The following IQGAP2 variants were observed in gnomAD, a reference collection of about 807,000 sequenced individuals.
The protein encoded by IQGAP2 is IQ motif containing GTPase activating protein 2.
IQGAP2 carries 173 observed loss-of-function variants against 201.3 expected under a neutral mutation model. The ratio of observed to expected loss-of-function variants is 0.86; its 90% CI spans 0.76 to 0.98. The LOEUF is 0.98. Among genes scored for constraint, IQGAP2 ranks in the 50% least tolerant of loss-of-function variants. The pLI is 0.00. For synonymous variants in IQGAP2, 675 were observed against 673.9 expected, an observed-to-expected ratio of 1.00 and a Z score of -0.03; for missense variants, 1,687 against 1,864.8, an observed-to-expected ratio of 0.90 and a Z score of 1.76.
At chr5:76,423,256 A>G (rs1690183922) in intron 1 of IQGAP2, among the ~76,000 whole-genome samples, 1 of 152,220 alleles carries the variant, frequency 6.6e-6, no homozygotes, top group Non-Finnish European at 1.5e-5. Context: ...GTGCATTGCC[A>G]GGGAAGAAGC....
intron 32 of IQGAP2, among the ~76,000 whole-genome samples, chr5:76,697,340 A>C (rs570838953): frequency 3.3e-5 from 5 of 152,366 alleles, no homozygotes; most frequent in African/African-American, 1.2e-4. Flanking sequence ...TTCAAAGAGG[A>C]ATATTCAAAA....
chr5:76,418,225 A>T (rs111482278), intron 1 of IQGAP2, among the ~76,000 whole-genome samples: 3,739 of 151,174 alleles, frequency 0.025, 82 homozygotes, highest in Non-Finnish European at 0.043. Flanking sequence ...AAAAAAAAAA[A>T]AGATTTTCCT....
chr5:76,520,700 C>CTTTTT lies in IQGAP2; in HGVS notation c.147-41679_147-41675dup, dbSNP rs5868829. ...TCCATGAACATCATAGGTCTCTCCT[C>CTTTTT]TTTTTTTTTTTTTTTTTTTTTGAAA... On this transcript the variant is annotated intron_variant, in intron 2 of 35. Transcript: ENST00000274364. Among the ~76,000 whole-genome samples, 106 of 109,186 alleles carry CTTTTT rather than the reference C, an allele frequency of 9.7e-4. 7 individuals are homozygous for CTTTTT. Among genetic ancestry groups the CTTTTT allele is most frequent in the African/African-American group, 2.1e-3 (58 of 27,640 alleles). The allele number at this position is 109,186 out of a possible 152,430, so 71.6% of individuals were successfully genotyped here.
In IQGAP2 at chr5:76,652,833, G is replaced by A. The variant is rs1196447107; in HGVS notation, c.2178G>A (p.Lys726=). ...TTGATAATACTGATTCTATTGTGAA[G>A]GTAAATACCCTTTCCTACCATACCA... ...TFIDNTDSIV[K]IQSWFRMATA... is the part of the protein sequence containing the mutation. Residue 726 remains lysine (K), a splice_region_variant and synonymous_variant, in exon 18 of 36, where the codon AAG becomes AAA. Coordinates refer to ENST00000274364, the MANE Select transcript of IQGAP2 (RefSeq NM_006633.5). The A allele has an allele frequency of 2.6e-6, 4 of 1,567,504 alleles. No homozygotes were observed. Among genetic ancestry groups the A allele is most frequent in the Non-Finnish European group, 3.5e-6 (4 of 1,137,254 alleles).
intron 13 of IQGAP2, chr5:76,618,578 A>G: frequency 6.2e-7 from 1 of 1,613,988 alleles, no homozygotes; most frequent in Non-Finnish European, 8.5e-7. Context: ...AATTTGGGGG[A>G]GCTCCACGAA....
intron 2 of IQGAP2, among the ~76,000 whole-genome samples, chr5:76,478,620 C>T (rs1755590824): frequency 6.6e-6 from 1 of 152,100 alleles, no homozygotes; most frequent in Non-Finnish European, 1.5e-5. Context: ...AGGCCGGGCC[C>T]CCTTTTTATG....
At chr5:76,587,169 G>A (rs796309592) in intron 5 of IQGAP2, among the ~76,000 whole-genome samples, 1 of 152,040 alleles carries the variant, frequency 6.6e-6, no homozygotes, top group African/African-American at 2.4e-5. Context: ...GTTAACCAAA[G>A]GTCAAATTCT....
intron 1 of IQGAP2, among the ~76,000 whole-genome samples, chr5:76,413,651 A>G (rs1402341450): frequency 6.6e-6 from 1 of 152,128 alleles, no homozygotes; most frequent in Non-Finnish European, 1.5e-5. Flanking sequence ...TGTGTTGTAT[A>G]TTTTGCCATC....
chr5:76,611,303 C>T, intron 13 of IQGAP2, 120 bp downstream of exon 13: 2 of 677,852 alleles, frequency 3.0e-6, no homozygotes, highest in Non-Finnish European at 4.8e-6. Context: ...AACAATTACC[C>T]ATGAATCAGA....
chr5:76,617,724 T>C (rs1749125665), intron 13 of IQGAP2: 1 of 1,613,962 alleles, frequency 6.2e-7, no homozygotes, highest in East Asian at 2.2e-5. Context: ...GTTGTAGTAG[T>C]AGTTAGCATG....
chr5:76,517,604 CAAAA>C (rs36102224), intron 2 of IQGAP2, among the ~76,000 whole-genome samples: 7 of 83,276 alleles, frequency 8.4e-5, no homozygotes, highest in Admixed American at 1.3e-4. Flanking sequence ...GACCCTGTTT[CAAAA>C]AAAAAAAAAA....
chr5:76,427,445 C>A (rs115696811), intron 1 of IQGAP2, among the ~76,000 whole-genome samples: 35 of 152,224 alleles, frequency 2.3e-4, no homozygotes, highest in African/African-American at 7.0e-4. Flanking sequence ...AGCTCTCCCC[C>A]CTCCCCTTTC....
intron 4 of IQGAP2, among the ~76,000 whole-genome samples, chr5:76,575,044 C>T (rs879679228): frequency 6.6e-6 from 1 of 151,890 alleles, no homozygotes; most frequent in Non-Finnish European, 1.5e-5. Flanking sequence ...CACATGCACA[C>T]ATATATATAA....
chr5:76,702,732 G>GTTGATGAT (rs1747520303), intron 35 of IQGAP2, 142 bp downstream of exon 35: 1 of 582,168 alleles, frequency 1.7e-6, no homozygotes, highest in East Asian at 2.9e-5. Flanking sequence ...TTTGTTAAGT[G>GTTGATGAT]TTGATGATTT....
intron 1 of IQGAP2, among the ~76,000 whole-genome samples, chr5:76,438,024 T>G (rs1752806506): frequency 1.8e-5 from 1 of 54,676 alleles, no homozygotes; most frequent in African/African-American, 6.4e-5. Context: ...TTTTTTTTTT[T>G]TTTTTTGTTT....
intron 2 of IQGAP2, among the ~76,000 whole-genome samples, chr5:76,545,102 C>T (rs1289966534): frequency 1.3e-5 from 2 of 152,016 alleles, no homozygotes; most frequent in Admixed American, 1.3e-4. Context: ...GTATATAAAA[C>T]TATACAATTG....
intron 15 of IQGAP2, among the ~76,000 whole-genome samples, chr5:76,635,922 A>T (rs1751091601): frequency 1.3e-5 from 2 of 152,182 alleles, no homozygotes; most frequent in Non-Finnish European, 2.9e-5. Flanking sequence ...TAAACATCCT[A>T]ACTTGACTGT....
At chr5:76,520,269 A>G (rs940492052) in intron 2 of IQGAP2, among the ~76,000 whole-genome samples, 3 of 152,132 alleles carry the variant, frequency 2.0e-5, no homozygotes, top group African/African-American at 7.2e-5. Flanking sequence ...TCTCAGCACC[A>G]CTTGTTGAAA....
chr5:76,479,455 G>C (rs1755646961), intron 2 of IQGAP2, among the ~76,000 whole-genome samples: 1 of 152,274 alleles, frequency 6.6e-6, no homozygotes, highest in South Asian at 2.1e-4. Flanking sequence ...AGACCAGCTG[G>C]CTGTGCTTGG....
Sources: gnomAD v4.1 joint callset for allele counts (sites outside exome capture counted in the v4.1 genomes callset) on GRCh38, gnomAD v4.1.1 for gene constraint, MANE v1.5 for transcripts, NCBI Gene and HGNC (gene_info 2026-07-23, HGNC 2026-07-21) for gene names.